ZDHHC14: variants seen among roughly 807,000 people sequenced by gnomAD.
ZDHHC14 encodes zDHHC palmitoyltransferase 14.
In ZDHHC14, 16 loss-of-function variants were observed where a neutral mutation model predicts 47.7. The ratio of observed to expected loss-of-function variants is 0.34; its 90% confidence interval spans 0.23 to 0.51. ZDHHC14 has a LOEUF of 0.51. ZDHHC14 is among the 20% of genes least tolerant of loss of function. ZDHHC14 has a pLI of 0.97. For synonymous variants in ZDHHC14, 293 were observed against 278.9 expected, an observed-to-expected ratio of 1.05 and a Z score of -0.50; for missense variants, 515 against 662.5, an observed-to-expected ratio of 0.78 and a Z score of 2.44.
intron 2 of ZDHHC14, among the ~76,000 whole-genome samples, chr6:157,574,511 C>G (rs1783225866): frequency 6.6e-6 from 1 of 152,114 alleles, no homozygotes; most frequent in Admixed American, 6.5e-5. Flanking sequence ...ATGTGCCCCT[C>G]CCAGATGGTA....
intron 1 of ZDHHC14, among the ~76,000 whole-genome samples, chr6:157,494,223 T>G (rs1191169082): frequency 6.6e-6 from 1 of 152,244 alleles, no homozygotes; most frequent in Admixed American, 6.5e-5. Flanking sequence ...GCCCCTGGGA[T>G]GTCACTAACA....
At chr6:157,524,770 A>G (rs1175800633) in intron 1 of ZDHHC14, among the ~76,000 whole-genome samples, 2 of 152,234 alleles carry the variant, frequency 1.3e-5, no homozygotes, top group Admixed American at 1.3e-4. Flanking sequence ...GGTAGAAAGA[A>G]TATTCGGGAT....
At chr6:157,402,303 G>A (rs529528363) in intron 1 of ZDHHC14, among the ~76,000 whole-genome samples, 9 of 151,012 alleles carry the variant, frequency 6.0e-5, no homozygotes, top group African/African-American at 2.2e-4. Flanking sequence ...GCAGTAGTGA[G>A]ATATGCACCT....
chr6:157,456,539 C>G (rs1045390384), intron 1 of ZDHHC14, among the ~76,000 whole-genome samples: 1 of 152,250 alleles, frequency 6.6e-6, no homozygotes, highest in African/African-American at 2.4e-5. Flanking sequence ...ATTATTTATT[C>G]GAGAACACCC....
chr6:157,449,886 A>G (rs561053917), intron 1 of ZDHHC14, among the ~76,000 whole-genome samples: 194 of 152,238 alleles, frequency 1.3e-3, no homozygotes, highest in African/African-American at 4.5e-3. Flanking sequence ...TATGGTTTGA[A>G]TTGCAGCTTT....
intron 3 of ZDHHC14, among the ~76,000 whole-genome samples, chr6:157,599,909 T>C (rs1784276940): frequency 1.3e-5 from 2 of 152,234 alleles, no homozygotes; most frequent in African/African-American, 4.8e-5. Flanking sequence ...ATATATTATT[T>C]TGCCGTTGTG....
At chr6:157,632,990 A>G (rs762032016) in intron 5 of ZDHHC14, 108 bp downstream of exon 5, 11 of 1,187,472 alleles carry the variant, frequency 9.3e-6, no homozygotes, top group Non-Finnish European at 1.4e-5. Flanking sequence ...CTTCTCATGT[A>G]TCTTATTCCA....
chr6:157,452,702 T>C (rs946738986), intron 1 of ZDHHC14, among the ~76,000 whole-genome samples: 102 of 131,802 alleles, frequency 7.7e-4, no homozygotes, highest in African/African-American at 2.7e-3. Context: ...TTTTTTTTTT[T>C]TTTTTTTTTT....
intron 2 of ZDHHC14, among the ~76,000 whole-genome samples, chr6:157,545,658 G>A (rs966030762): frequency 9.9e-5 from 15 of 151,998 alleles, no homozygotes; most frequent in Admixed American, 6.5e-4. Flanking sequence ...TGGGCGACAG[G>A]GGAGACTCCC....
At chr6:157,479,327 CTTTTA>C in intron 1 of ZDHHC14, among the ~76,000 whole-genome samples, 1 of 152,276 alleles carries the variant, frequency 6.6e-6, no homozygotes, top group South Asian at 2.1e-4. Flanking sequence ...TAACAGTTTG[CTTTTA>C]TTTTATGTGT....
At chr6:157,429,855 A>T (rs1352158745) in intron 1 of ZDHHC14, among the ~76,000 whole-genome samples, 1 of 152,160 alleles carries the variant, frequency 6.6e-6, no homozygotes, top group Non-Finnish European at 1.5e-5. Context: ...GAGACAATGG[A>T]GGTAACCAGC....
intron 2 of ZDHHC14, among the ~76,000 whole-genome samples, chr6:157,549,092 C>T (rs1209663088): frequency 2.0e-5 from 3 of 152,222 alleles, no homozygotes; most frequent in African/African-American, 7.2e-5. Context: ...GATATCACAG[C>T]GTGTGCTCTT....
intron 5 of ZDHHC14, among the ~76,000 whole-genome samples, chr6:157,644,313 T>G (rs1431952761): frequency 6.6e-6 from 1 of 152,166 alleles, no homozygotes; most frequent in Non-Finnish European, 1.5e-5. Context: ...GAGACCATCT[T>G]TGCTGCCTGG....
At chr6:157,583,180 CATCT>C (rs991340100) in intron 2 of ZDHHC14, among the ~76,000 whole-genome samples, 9 of 152,134 alleles carry the variant, frequency 5.9e-5, no homozygotes, top group African/African-American at 2.2e-4. Context: ...AAATCTCAAT[CATCT>C]TTTTTGCTAT....
rs1271056803 is a variant in ZDHHC14, at chr6:157,643,662, T to C, written c.753-2075T>C. Among the ~76,000 whole-genome samples, 6 of 127,618 alleles carry C rather than the reference T, an allele frequency of 4.7e-5. 2 individuals are homozygous for C. Among genetic ancestry groups the C allele is most frequent in the East Asian group, 4.6e-4 (2 of 4,306 alleles). 83.7% of individuals were successfully genotyped at this position (127,618 alleles called of 152,430 possible). ...AAACTTCATCTCAAATATATATATA[T>C]ATATATATATATATGCTGTATTTTT... On this transcript the variant is annotated intron_variant, in intron 5 of 8. Transcript: ENST00000359775.
intron 2 of ZDHHC14, among the ~76,000 whole-genome samples, chr6:157,556,309 C>T (rs772016380): frequency 1.3e-5 from 2 of 152,150 alleles, no homozygotes; most frequent in Admixed American, 6.5e-5. Context: ...TCGCTGTCCC[C>T]GGGCCCCATG....
At chr6:157,595,604 C>T (rs147763623) in intron 3 of ZDHHC14, among the ~76,000 whole-genome samples, 1 of 152,304 alleles carries the variant, frequency 6.6e-6, no homozygotes, top group East Asian at 1.9e-4. Flanking sequence ...CATATAATCA[C>T]ATTTGTTCCC....
chr6:157,439,170 G>A lies in ZDHHC14; in HGVS notation c.245+56904G>A, dbSNP rs533992497. 4.0e-4 allele frequency among the ~76,000 whole-genome samples: 61 copies of A among 152,100 alleles called. 1 individual carries two copies. The highest frequency in any genetic ancestry group is 3.7e-3 in the Admixed American group (56 of 15,284). Reference sequence around the variant, plus strand: ...CTCTTATTTCCTGCTAAATATTTCCGTTCTTCATTTTCAAAACATCTTAGG... The same window carrying A: ...CTCTTATTTCCTGCTAAATATTTCCATTCTTCATTTTCAAAACATCTTAGG... On this transcript the variant is annotated intron_variant, in intron 1 of 8. Coordinates refer to ENST00000359775, the MANE Select transcript of ZDHHC14 (RefSeq NM_024630.3).
At chr6:157,522,987 T>TTCCTTCCTTC (rs1562461116) in intron 1 of ZDHHC14, among the ~76,000 whole-genome samples, 27 of 35,470 alleles carry the variant, frequency 7.6e-4, no homozygotes, top group African/African-American at 4.9e-3. Context: ...TTTCTTTTTC[T>TTCCTTCCTTC]TTTCTTTTCT....
Sources: gnomAD v4.1 joint callset for allele counts (sites outside exome capture counted in the v4.1 genomes callset) on GRCh38, gnomAD v4.1.1 for gene constraint, MANE v1.5 for transcripts, NCBI Gene and HGNC (gene_info 2026-07-23, HGNC 2026-07-21) for gene names.